RBPMS2: variants seen among roughly 807,000 people sequenced by gnomAD.
The protein encoded by RBPMS2 is RNA-binding protein with multiple splicing 2.
RBPMS2 carries 14 observed loss-of-function variants against 25.7 expected under a neutral mutation model. That is an observed-to-expected ratio of 0.55 (90% confidence interval 0.36 to 0.85). The LOEUF is 0.85. Among genes scored for constraint, RBPMS2 ranks in the 40% least tolerant of loss-of-function variants. The probability of loss-of-function intolerance (pLI) is 0.01; values close to 1 mark genes in which losing one functional copy is unlikely to be tolerated. For synonymous variants in RBPMS2, 127 were observed against 115.6 expected (o/e 1.10, Z -0.63); for missense variants, 252 against 283.4 (o/e 0.89, Z 0.80).
Position 64,775,410 on chromosome 15 carries a change from C to G in RBPMS2, c.-91G>C, listed in dbSNP as rs1350792217. The G allele has an allele frequency of 7.9e-6, 5 of 631,358 alleles. No individual in the cohort carries two copies. Among genetic ancestry groups the G allele is most frequent in the Non-Finnish European group, 1.1e-5 (5 of 450,592 alleles). 39.1% of individuals were successfully genotyped at this position (631,358 alleles called of 1,614,324 possible). A position where few individuals can be genotyped will look rare whatever the true frequency, so the allele number is the denominator to read the frequency against. On this transcript the variant is annotated 5_prime_UTR_variant, in exon 1 of 8. Coordinates refer to ENST00000300069, the MANE Select transcript of RBPMS2 (RefSeq NM_194272.3). Reference sequence around the variant, plus strand: ...GGGAAGGGGCGCGGGGAGCGGTGCGCTCGCGGGTGCGGAGCGGGTGGCGGG... The same window carrying G: ...GGGAAGGGGCGCGGGGAGCGGTGCGGTCGCGGGTGCGGAGCGGGTGGCGGG...
intron 1 of RBPMS2, among the ~76,000 whole-genome samples, chr15:64,755,183 G>A (rs76795215): frequency 0.014 from 2,064 of 152,130 alleles, 33 homozygotes; most frequent in Non-Finnish European, 0.023. Context: ...CTCAAGACTC[G>A]TTTCCAGCCA....
At chr15:64,757,452 C>G (rs964032246) in intron 1 of RBPMS2, among the ~76,000 whole-genome samples, 3 of 152,158 alleles carry the variant, frequency 2.0e-5, no homozygotes, top group Admixed American at 1.3e-4. Context: ...TCTACTGAAG[C>G]TGGTAATGTG....
chr15:64,749,239 G>A lies in RBPMS2; in HGVS notation c.268-89C>T, dbSNP rs796429453. On this transcript the variant is annotated intron_variant, in intron 4 of 7. Coordinates refer to ENST00000300069, the MANE Select transcript of RBPMS2 (RefSeq NM_194272.3). Reference sequence around the variant, plus strand: ...GAGTAGAGAAGGGCGCCATAAACAAGCTCGCCTCGAAGACCTGCCCACACG... The same window carrying A: ...GAGTAGAGAAGGGCGCCATAAACAAACTCGCCTCGAAGACCTGCCCACACG... 5 of 1,516,054 alleles carry A rather than the reference G, an allele frequency of 3.3e-6. No homozygotes were observed. The African/African-American group carries it at 5.5e-5, about 17-fold the overall frequency. 93.9% of individuals were successfully genotyped at this position (1,516,054 alleles called of 1,614,324 possible).
chr15:64,749,523 A>C, intron 3 of RBPMS2, 30 bp from the exon 4 acceptor site: 1 of 1,573,740 alleles, frequency 6.4e-7, no homozygotes, highest in African/African-American at 1.4e-5. Context: ...ACACCCTTAT[A>C]TCTCTCCTAG....
At position 64,775,430 on chromosome 15, in the gene RBPMS2, G is replaced by C; in HGVS notation, c.-111C>G. On this transcript the variant is annotated 5_prime_UTR_variant, in exon 1 of 8. Transcript: ENST00000300069. Reference sequence around the variant, plus strand: ...GTGCGCTCGCGGGTGCGGAGCGGGTGGCGGGGGACCCACGGGGCAGTGAGA... The same window carrying C: ...GTGCGCTCGCGGGTGCGGAGCGGGTCGCGGGGGACCCACGGGGCAGTGAGA... 1 of 450,662 alleles carries C rather than the reference G, an allele frequency of 2.2e-6. No individual in the cohort carries two copies. Among genetic ancestry groups the C allele is most frequent in the Non-Finnish European group, 3.5e-6 (1 of 284,768 alleles). 27.9% of individuals were successfully genotyped at this position (450,662 alleles called of 1,614,324 possible). A position where few individuals can be genotyped will look rare whatever the true frequency, so the allele number is the denominator to read the frequency against.
At chr15:64,742,121 C>T (rs947804021) in intron 6 of RBPMS2, among the ~76,000 whole-genome samples, 7 of 152,020 alleles carry the variant, frequency 4.6e-5, no homozygotes, top group African/African-American at 1.2e-4. Flanking sequence ...GTTGAGATCG[C>T]GCCATTGCAC....
chr15:64,769,100 CAAA>C (rs1167404963), intron 1 of RBPMS2, among the ~76,000 whole-genome samples: 1 of 27,684 alleles, frequency 3.6e-5, no homozygotes, highest in Non-Finnish European at 7.6e-5. Context: ...GACTTCGTCT[CAAA>C]AAAAAAAAAA....
At chr15:64,767,084 G>T (rs1168520854) in intron 1 of RBPMS2, among the ~76,000 whole-genome samples, 1 of 151,920 alleles carries the variant, frequency 6.6e-6, no homozygotes, top group African/African-American at 2.4e-5. Flanking sequence ...GAGTTTTTCG[G>T]TTTTTTACTT....
rs1052412673 is a variant in RBPMS2 at position 64,748,929 on chromosome 15, C to T, written c.418+71G>A. On this transcript the variant is annotated intron_variant, in intron 5 of 7. Transcript: ENST00000300069. ...AAAGCCTCCTGGAAAAGGGGCTTCC[C>T]TCTGCAAGAGCCTGCAAGTCTGCCC... is the stretch of plus-strand genomic sequence containing the variant. 1.7e-5 allele frequency: 27 copies of T among 1,547,092 alleles called. No homozygotes were observed. In the African/African-American group the frequency reaches 3.4e-4, roughly 20 times the overall value.
Position 64,755,380 on chromosome 15 carries a change from G to A in RBPMS2, c.88-3742C>T, listed in dbSNP as rs910788366. The stretch of plus-strand genomic sequence containing the variant: ...ATGCTCTGTGGGGAGCAGTCCGGGA[G>A]GCTAAATCACAGCAAGTGTGATTCC... On this transcript the variant is annotated intron_variant, in intron 1 of 7. Coordinates refer to ENST00000300069, the MANE Select transcript of RBPMS2 (RefSeq NM_194272.3). Among the ~76,000 whole-genome samples, 4 of 152,126 alleles carry A rather than the reference G, an allele frequency of 2.6e-5. No homozygotes were observed. The South Asian group carries it at 8.3e-4, about 32-fold the overall frequency.
intron 1 of RBPMS2, among the ~76,000 whole-genome samples, chr15:64,765,926 G>C (rs1257895037): frequency 6.6e-6 from 1 of 151,930 alleles, no homozygotes; most frequent in Non-Finnish European, 1.5e-5. Context: ...CTGGGAGGCG[G>C]AGGTTGCAGT....
chr15:64,775,304 G>C lies in RBPMS2; in HGVS notation c.16C>G (p.Pro6Ala). 3 of 1,347,156 alleles carry C rather than the reference G, an allele frequency of 2.2e-6. No homozygotes were observed. Among genetic ancestry groups the C allele is most frequent in the South Asian group, 1.7e-5 (1 of 57,858 alleles). The allele number at this position is 1,347,156 out of a possible 1,614,324, so 83.5% of individuals were successfully genotyped here. The change falls in exon 1 of 8, where the codon CCG becomes GCG. Residue 6 changes from proline (P) to alanine (A), a missense_variant. Pro to Ala is a conservative substitution (Grantham distance 27). Coordinates refer to ENST00000300069, the MANE Select transcript of RBPMS2 (RefSeq NM_194272.3). MSNLKPDGEHGGSTGT... is the reference protein window; with the variant it reads MSNLKADGEHGGSTGT... ...GTGCTGCCGCCGTGCTCGCCGTCCG[G>C]CTTCAGGTTGCTCATGGTGCGGGGG...
At chr15:64,762,599 C>G (rs1319273740) in intron 1 of RBPMS2, 1 of 480,796 alleles carries the variant, frequency 2.1e-6, no homozygotes, top group African/African-American at 2.0e-5. Flanking sequence ...GACGAGATTC[C>G]AAACAAAAGA....
intron 1 of RBPMS2, among the ~76,000 whole-genome samples, chr15:64,756,084 C>T (rs978274660): frequency 6.6e-6 from 1 of 152,176 alleles, no homozygotes; most frequent in African/African-American, 2.4e-5. Context: ...AGCCTCAAAA[C>T]ATTTCCATCT....
chr15:64,754,564 TCACAC>T (rs2083714258), intron 1 of RBPMS2, among the ~76,000 whole-genome samples: 2 of 151,252 alleles, frequency 1.3e-5, no homozygotes, highest in South Asian at 4.2e-4. Context: ...TGAGCTGAGA[TCACAC>T]CACTGCACTC....
chr15:64,743,409 A>G (rs1490823969), intron 6 of RBPMS2, among the ~76,000 whole-genome samples: 1 of 152,248 alleles, frequency 6.6e-6, no homozygotes, highest in Non-Finnish European at 1.5e-5. Flanking sequence ...GAAAGCTCCC[A>G]TATTTGGGCT....
At chr15:64,743,503 G>A (rs2083583742) in intron 6 of RBPMS2, among the ~76,000 whole-genome samples, 1 of 152,256 alleles carries the variant, frequency 6.6e-6, no homozygotes, top group Non-Finnish European at 1.5e-5. Context: ...GCATAGGCCA[G>A]TGGCCTGGGT....
chr15:64,754,468 T>C (rs1026414608), intron 1 of RBPMS2, among the ~76,000 whole-genome samples: 8 of 151,606 alleles, frequency 5.3e-5, no homozygotes, highest in African/African-American at 1.9e-4. Context: ...CAAAATTAGC[T>C]GGGTGTGGTG....
Position 64,748,414 on chromosome 15 carries a change from C to T in RBPMS2, c.567+5G>A. ...CTTCGCCCTCCCCAACCTTAAAGGG[C>T]TTACCTGAGCGTGGAGGGCGGCGGC... is the stretch of plus-strand genomic sequence containing the variant. On this transcript the variant is annotated splice_donor_5th_base_variant and intron_variant, in intron 6 of 7. Coordinates refer to ENST00000300069, the MANE Select transcript of RBPMS2 (RefSeq NM_194272.3). 1 of 1,613,692 alleles carries T rather than the reference C, an allele frequency of 6.2e-7. No homozygotes were observed. The highest frequency in any genetic ancestry group is 8.5e-7 in the Non-Finnish European group (1 of 1,179,878).
Sources: allele counts gnomAD v4.1 joint callset (sites outside exome capture counted in the v4.1 genomes callset), GRCh38; gene constraint gnomAD v4.1.1; transcripts MANE v1.5; gene names NCBI Gene and HGNC (gene_info 2026-07-23, HGNC 2026-07-21).